ARSB: variants seen among roughly 807,000 people sequenced by gnomAD.
The protein encoded by ARSB is N-acetylgalactosamine-4-sulfatase.
Under a neutral mutation model 50.9 loss-of-function variants are expected in ARSB, and 41 were observed. The ratio of observed to expected loss-of-function variants is 0.81; its 90% CI spans 0.63 to 1.04. The LOEUF is 1.04. Among genes scored for constraint, ARSB ranks in the 50% least tolerant of loss-of-function variants. ARSB has a pLI of 0.00. For synonymous variants in ARSB, 269 were observed against 284.8 expected (o/e 0.94, Z 0.56); for missense variants, 672 against 693.3 (o/e 0.97, Z 0.35).
chr5:78,937,948 A>G (rs956659720), intron 4 of ARSB, among the ~76,000 whole-genome samples: 3 of 152,174 alleles, frequency 2.0e-5, no homozygotes, highest in African/African-American at 7.2e-5. Context: ...GGAGATGGTA[A>G]AAGAATCAAA....
intron 5 of ARSB, among the ~76,000 whole-genome samples, chr5:78,874,520 A>C: frequency 6.6e-6 from 1 of 152,168 alleles, no homozygotes; most frequent in Admixed American, 6.5e-5. Flanking sequence ...AAGGAATTAT[A>C]TAAAGATATT....
intron 3 of ARSB, among the ~76,000 whole-genome samples, chr5:78,962,524 A>ATTTTTT (rs10683109): frequency 0.015 from 1,626 of 106,162 alleles, 112 homozygotes; most frequent in African/African-American, 0.04. Context: ...CATGTGCTCG[A>ATTTTTT]TTTTTTTTTT....
chr5:78,965,655 AG>A (rs1736972460), intron 2 of ARSB, among the ~76,000 whole-genome samples: 1 of 152,238 alleles, frequency 6.6e-6, no homozygotes, highest in Admixed American at 6.5e-5. Flanking sequence ...GTTATTAAAA[AG>A]AAATATTTGC....
intron 5 of ARSB, among the ~76,000 whole-genome samples, chr5:78,842,342 CAG>C (rs1266982134): frequency 2.0e-5 from 3 of 152,158 alleles, no homozygotes; most frequent in African/African-American, 7.2e-5. Flanking sequence ...GGAGATATTT[CAG>C]AGTCATAATT....
At chr5:78,789,588 C>T (rs550765288) in intron 6 of ARSB, among the ~76,000 whole-genome samples, 1 of 152,254 alleles carries the variant, frequency 6.6e-6, no homozygotes, top group Non-Finnish European at 1.5e-5. Flanking sequence ...AAAGTCATCA[C>T]AAAGGCCACC....
At chr5:78,780,717 A>G in intron 7 of ARSB, 55 bp from the exon 8 acceptor site, 1 of 1,605,454 alleles carries the variant, frequency 6.2e-7, no homozygotes, top group Admixed American at 1.7e-5. Context: ...GCAGGTTCTA[A>G]TTTCAGGGAA....
intron 4 of ARSB, among the ~76,000 whole-genome samples, chr5:78,948,771 A>AC (rs1751365895): frequency 6.6e-6 from 1 of 152,158 alleles, no homozygotes; most frequent in Non-Finnish European, 1.5e-5. Context: ...ATAAACATAA[A>AC]TATATGTCAA....
At chr5:78,976,101 C>T (rs1018399018) in intron 1 of ARSB, among the ~76,000 whole-genome samples, 13 of 151,976 alleles carry the variant, frequency 8.6e-5, no homozygotes, top group Non-Finnish European at 7.4e-5. Flanking sequence ...TCGATTTTCT[C>T]ATATGCATAA....
At chr5:78,942,062 G>A (rs1385654615) in intron 4 of ARSB, among the ~76,000 whole-genome samples, 1 of 152,102 alleles carries the variant, frequency 6.6e-6, no homozygotes, top group Non-Finnish European at 1.5e-5. Context: ...TTTCTAGTTT[G>A]TTTGCGTAGA....
chr5:78,811,700 TAAAGCAAAACAG>T (rs1354330037), intron 6 of ARSB, among the ~76,000 whole-genome samples: 2 of 152,184 alleles, frequency 1.3e-5, no homozygotes, highest in Admixed American at 6.5e-5. Context: ...TTCTCTTGCC[TAAAGCAAAACAG>T]ATGTGTGAGA....
At chr5:78,872,806 AAAGTAT>A (rs1191767419) in intron 5 of ARSB, among the ~76,000 whole-genome samples, 8 of 125,438 alleles carry the variant, frequency 6.4e-5, no homozygotes, top group African/African-American at 9.8e-5. Flanking sequence ...CCTAAAACTT[AAAGTAT>A]AATTAAAAAA....
intron 4 of ARSB, among the ~76,000 whole-genome samples, chr5:78,914,993 TC>T (rs1318096773): frequency 6.6e-6 from 1 of 152,198 alleles, no homozygotes; most frequent in Non-Finnish European, 1.5e-5. Context: ...CATTAAACGT[TC>T]CTATTATTTT....
intron 4 of ARSB, among the ~76,000 whole-genome samples, chr5:78,892,248 C>CTTTTTTTTTTTT (rs34960858): frequency 1.1e-5 from 1 of 87,226 alleles, no homozygotes; most frequent in African/African-American, 5.2e-5. Context: ...ATTCTCTATT[C>CTTTTTTTTTTTT]TTTTTTTTTT....
chr5:78,799,538 T>C (rs1018322292), intron 6 of ARSB, among the ~76,000 whole-genome samples: 3 of 152,214 alleles, frequency 2.0e-5, no homozygotes, highest in Non-Finnish European at 4.4e-5. Flanking sequence ...ATGCTGGTGC[T>C]CACCTACTCA....
intron 6 of ARSB, among the ~76,000 whole-genome samples, chr5:78,815,229 A>G (rs2112664113): frequency 6.6e-6 from 1 of 150,744 alleles, no homozygotes; most frequent in East Asian, 1.9e-4. Flanking sequence ...CTAAACTCCT[A>G]ATTAGAAGAT....
chr5:78,848,350 G>C lies in ARSB; in HGVS notation c.1143-8924C>G, dbSNP rs1433560856. On this transcript the variant is annotated intron_variant, in intron 5 of 7. Coordinates refer to ENST00000264914, the MANE Select transcript of ARSB (RefSeq NM_000046.5). ...TTTTGTCCTTGCGATAGTTTACTGA[G>C]AATGATTTCCAATTTCATCCATGTC... Among the ~76,000 whole-genome samples the C allele has an allele frequency of 7.3e-5, 3 of 40,898 alleles. No individual in the cohort carries two copies. The East Asian group carries it at 9.9e-4, about 13-fold the overall frequency. The allele number at this position is 40,898 out of a possible 152,430, so 26.8% of individuals were successfully genotyped here.
At chr5:78,937,876 C>T (rs1750710236) in intron 4 of ARSB, among the ~76,000 whole-genome samples, 1 of 152,066 alleles carries the variant, frequency 6.6e-6, no homozygotes, top group South Asian at 2.1e-4. Context: ...CCAGCAACAT[C>T]GCAGAACTCA....
At chr5:78,809,765 C>G (rs762566430) in intron 6 of ARSB, among the ~76,000 whole-genome samples, 14 of 152,274 alleles carry the variant, frequency 9.2e-5, no homozygotes, top group East Asian at 1.9e-4. Context: ...CCCATCGGAC[C>G]TGGAGCCAGC....
At chr5:78,822,373 C>T (rs1222876325) in intron 6 of ARSB, among the ~76,000 whole-genome samples, 2 of 151,930 alleles carry the variant, frequency 1.3e-5, no homozygotes, top group South Asian at 2.1e-4. Flanking sequence ...ATAAAAACAT[C>T]CAACAATTAA....
Sources: gnomAD v4.1 joint callset for allele counts (sites outside exome capture counted in the v4.1 genomes callset) on GRCh38, gnomAD v4.1.1 for gene constraint, MANE v1.5 for transcripts, NCBI Gene and HGNC (gene_info 2026-07-23, HGNC 2026-07-21) for gene names.